RUBCN: variants seen among roughly 807,000 people sequenced by gnomAD.
RUBCN encodes rubicon autophagy regulator.
RUBCN carries 74 observed loss-of-function variants against 113.2 expected under a neutral mutation model. The ratio of observed to expected loss-of-function variants is 0.65; its 90% confidence interval spans 0.54 to 0.79. The LOEUF is 0.79. Among genes scored for constraint, RUBCN ranks in the 30% least tolerant of loss-of-function variants. RUBCN has a pLI of 0.00. For synonymous variants in RUBCN, 480 were observed against 490.0 expected (o/e 0.98, Z 0.27); for missense variants, 1,109 against 1,251.7 (o/e 0.89, Z 1.72).
chr3:197,682,854 G>A (rs569524064), intron 13 of RUBCN, among the ~76,000 whole-genome samples: 2 of 152,260 alleles, frequency 1.3e-5, no homozygotes, highest in East Asian at 1.9e-4. Flanking sequence ...ACAACCAGGA[G>A]GCGCCAAGGT....
At chr3:197,691,391 T>C (rs1431971220) in intron 11 of RUBCN, among the ~76,000 whole-genome samples, 13 of 151,992 alleles carry the variant, frequency 8.6e-5, no homozygotes, top group Admixed American at 7.2e-4. Context: ...CGGGTGATTA[T>C]GGCAATGACG....
intron 16 of RUBCN, 66 bp from the exon 17 acceptor site, chr3:197,677,607 G>A: frequency 1.4e-6 from 2 of 1,462,212 alleles, no homozygotes; most frequent in Non-Finnish European, 1.9e-6. Context: ...AGTGTGGGAA[G>A]CCCAGGGCCT....
At chr3:197,689,458 C>A (rs1281241966) in intron 11 of RUBCN, among the ~76,000 whole-genome samples, 2 of 152,148 alleles carry the variant, frequency 1.3e-5, no homozygotes, top group Non-Finnish European at 2.9e-5. Flanking sequence ...TCAAGGCCTG[C>A]CTGGTGGTGA....
intron 1 of RUBCN, among the ~76,000 whole-genome samples, chr3:197,729,389 A>T: frequency 6.6e-6 from 1 of 151,912 alleles, no homozygotes; most frequent in East Asian, 2.0e-4. Flanking sequence ...AGTAGCTGGG[A>T]CTACAGGCGC....
intron 2 of RUBCN, among the ~76,000 whole-genome samples, chr3:197,707,198 G>C (rs924321882): frequency 3.9e-5 from 6 of 152,112 alleles, no homozygotes; most frequent in African/African-American, 1.2e-4. Flanking sequence ...TGGGCGTGGT[G>C]GTGGGCGCCT....
chr3:197,677,264 G>C (rs1720545235), intron 17 of RUBCN, among the ~76,000 whole-genome samples: 2 of 152,238 alleles, frequency 1.3e-5, no homozygotes, highest in African/African-American at 4.8e-5. Flanking sequence ...CCCAGCCTGG[G>C]AAGAGAGGTG....
upstream of RUBCN, among the ~76,000 whole-genome samples, chr3:197,737,635 GT>G (rs1158033370): frequency 6.6e-6 from 1 of 152,042 alleles, no homozygotes. Flanking sequence ...ATTTTAAGGA[GT>G]TTGGATTTTA....
In RUBCN at chr3:197,723,832, C is replaced by T. The variant is rs772682498; in HGVS notation, c.66-5702G>A. Among the ~76,000 whole-genome samples the T allele has an allele frequency of 5.9e-5, 9 of 152,176 alleles. No individual in the cohort carries two copies. In the East Asian group the frequency reaches 1.4e-3, roughly 23 times the overall value. ...TTTCCCAGCCAGGCGCAGTGGCTCACGCCTGTAATCCCAGCACTTTGAGGG... is the reference window on the plus strand; with the variant it reads ...TTTCCCAGCCAGGCGCAGTGGCTCATGCCTGTAATCCCAGCACTTTGAGGG... On this transcript the variant is annotated intron_variant, in intron 1 of 19. Transcript: ENST00000296343.
intron 7 of RUBCN, among the ~76,000 whole-genome samples, chr3:197,697,393 C>G (rs1723135354): frequency 6.6e-6 from 1 of 152,216 alleles, no homozygotes; most frequent in Non-Finnish European, 1.5e-5. Context: ...TCTTGACAAA[C>G]CAATTTAGAA....
In RUBCN at chr3:197,700,888, T is replaced by C. The variant is rs763453839; in HGVS notation, c.986A>G (p.Asn329Ser). ...GGCAGTCCGGCCTCGGGGGTCCAAG[T>C]TGCCAATGGCCAGGTACTCAGGCCC... ...SEGPEYLAIG[N>S]LDPRGRTASC... is the part of the protein sequence containing the mutation. The change falls in exon 7 of 20, where the codon AAC (asparagine) becomes AGC (serine). Residue 329 changes from asparagine to serine, a missense_variant. Physicochemically the swap from Asn to Ser is conservative, Grantham distance 46. This residue lies in a region of RUBCN where 736 missense variants were observed against 779.6 expected (regional missense o/e 0.94). Coordinates refer to ENST00000296343, the MANE Select transcript of RUBCN (RefSeq NM_014687.4). The C allele has an allele frequency of 3.1e-6, 5 of 1,614,090 alleles. No homozygotes were observed. Among genetic ancestry groups the C allele is most frequent in the East Asian group, 4.5e-5 (2 of 44,884 alleles).
chr3:197,701,626 C>G, intron 6 of RUBCN, 82 bp downstream of exon 6: 1 of 1,366,574 alleles, frequency 7.3e-7, no homozygotes, highest in Non-Finnish European at 1.0e-6. Flanking sequence ...CTCAATTTTC[C>G]AAGCCTATGA....
In RUBCN at chr3:197,703,569, C is replaced by T; in HGVS notation, c.549G>A (p.Leu183=). 6 of 1,613,304 alleles carry T rather than the reference C, an allele frequency of 3.7e-6. No homozygotes were observed. Among genetic ancestry groups the T allele is most frequent in the Non-Finnish European group, 5.1e-6 (6 of 1,179,354 alleles). ...EAVEQNNPRL[L]AQIDASMFAR... ...GTACCATGGACGCATCGATCTGAGC[C>T]AGGAGGCGGGGGTTGTTCTGTTCCA... Residue 183 remains leucine (L), a synonymous_variant, in exon 5 of 20, where the codon CTG becomes CTA. Transcript: ENST00000296343.
At chr3:197,720,786 T>C (rs561212394) in intron 1 of RUBCN, among the ~76,000 whole-genome samples, 31 of 152,312 alleles carry the variant, frequency 2.0e-4, no homozygotes, top group African/African-American at 7.5e-4. Context: ...CAGGTATCGC[T>C]TTGATACACC....
intron 11 of RUBCN, among the ~76,000 whole-genome samples, chr3:197,688,333 T>C (rs1434349751): frequency 6.6e-6 from 1 of 152,148 alleles, no homozygotes; most frequent in African/African-American, 2.4e-5. Flanking sequence ...CTCAAACTCC[T>C]GACCTCAGGT....
At chr3:197,679,479 C>T (rs1295383236) in intron 16 of RUBCN, among the ~76,000 whole-genome samples, 21 of 143,590 alleles carry the variant, frequency 1.5e-4, no homozygotes, top group South Asian at 1.1e-3. Context: ...GACTGTCCTA[C>T]GCTCTGACAA....
At position 197,726,129 on chromosome 3, in the gene RUBCN, T is replaced by C. The variant is rs541018640; in HGVS notation, c.66-7999A>G. ...ACTCCAAAAGCGTATGATGTCGCTATACCATTCCTTCTAAAAATACTTTAA... is the reference window on the plus strand; with the variant it reads ...ACTCCAAAAGCGTATGATGTCGCTACACCATTCCTTCTAAAAATACTTTAA... On this transcript the variant is annotated intron_variant, in intron 1 of 19. Coordinates refer to ENST00000296343, the MANE Select transcript of RUBCN (RefSeq NM_014687.4). Among the ~76,000 whole-genome samples the C allele has an allele frequency of 1.1e-4, 16 of 152,376 alleles. 1 individual carries two copies. The East Asian group carries it at 3.1e-3, about 29-fold the overall frequency.
chr3:197,736,056 G>A (rs1728087744), intron 1 of RUBCN, among the ~76,000 whole-genome samples: 1 of 152,184 alleles, frequency 6.6e-6, no homozygotes, highest in Non-Finnish European at 1.5e-5. Context: ...CTCTCTGACA[G>A]GGATTCGGCA....
At chr3:197,723,240 C>T (rs1016789138) in intron 1 of RUBCN, among the ~76,000 whole-genome samples, 1 of 152,150 alleles carries the variant, frequency 6.6e-6, no homozygotes, top group Non-Finnish European at 1.5e-5. Context: ...ACTGCAGTAG[C>T]ATGATCTCAG....
At chr3:197,707,503 C>A (rs1724450971) in intron 2 of RUBCN, among the ~76,000 whole-genome samples, 1 of 152,068 alleles carries the variant, frequency 6.6e-6, no homozygotes, top group Admixed American at 6.6e-5. Flanking sequence ...CCAATTTAGG[C>A]ATTCTCCTCA....
Sources: gnomAD v4.1 joint callset for allele counts (sites outside exome capture counted in the v4.1 genomes callset) on GRCh38, gnomAD v4.1.1 for gene constraint, gnomAD v4.1.1 regional missense constraint, MANE v1.5 for transcripts, NCBI Gene and HGNC (gene_info 2026-07-23, HGNC 2026-07-21) for gene names.